Variants in NTM observed in about 807,000 individuals in gnomAD.
NTM encodes the protein IgLON family member 2.
In NTM, 13 loss-of-function variants were observed where a neutral mutation model predicts 42.1. That is an observed-to-expected ratio of 0.31 (90% CI 0.20 to 0.49). The LOEUF is 0.49. Ranked by LOEUF, NTM falls within the 20% of genes least tolerant of loss-of-function variation. The probability of loss-of-function intolerance (pLI) is 0.99; values close to 1 mark genes in which losing one functional copy is unlikely to be tolerated. For missense variants in NTM, 373 were observed against 452.8 expected (o/e 0.82, Z 1.60); for synonymous variants, 187 against 179.2 (o/e 1.04, Z -0.35).
intron 1 of NTM, among the ~76,000 whole-genome samples, chr11:131,439,364 T>C (rs1458294130): frequency 5.3e-5 from 8 of 152,222 alleles, no homozygotes. Flanking sequence ...GTTGTTTAAG[T>C]CTGCAGAAGT....
chr11:132,201,696 C>A (rs2081179696), intron 3 of NTM, among the ~76,000 whole-genome samples: 1 of 152,192 alleles, frequency 6.6e-6, no homozygotes, highest in African/African-American at 2.4e-5. Context: ...TTACAGCAAA[C>A]AATTATGCTG....
chr11:132,292,534 A>T (rs1207819206), intron 4 of NTM, among the ~76,000 whole-genome samples: 1 of 152,048 alleles, frequency 6.6e-6, no homozygotes, highest in Non-Finnish European at 1.5e-5. Context: ...GAACCTTGAG[A>T]GTGCTCAAGT....
chr11:131,891,155 G>A (rs1378129875), intron 1 of NTM, among the ~76,000 whole-genome samples: 1 of 152,162 alleles, frequency 6.6e-6, no homozygotes, highest in African/African-American at 2.4e-5. Context: ...CTAATCCCTT[G>A]TAGGGAGGAT....
chr11:131,773,199 G>A (rs1306074055), intron 1 of NTM, among the ~76,000 whole-genome samples: 2 of 152,180 alleles, frequency 1.3e-5, no homozygotes, highest in African/African-American at 2.4e-5. Context: ...CCTTGTTGCT[G>A]TGTCCTCCGG....
chr11:131,706,419 G>T (rs1028740845), intron 1 of NTM, among the ~76,000 whole-genome samples: 2 of 151,910 alleles, frequency 1.3e-5, no homozygotes, highest in African/African-American at 4.8e-5. Flanking sequence ...ATAATGTATA[G>T]CTTACTCAGA....
chr11:131,722,021 A>AAAAAAAG (rs368857349), intron 1 of NTM, among the ~76,000 whole-genome samples: 6 of 112,746 alleles, frequency 5.3e-5, no homozygotes, highest in East Asian at 2.8e-4. Context: ...AAAAAAAAAA[A>AAAAAAAG]AGAGAGAAAG....
chr11:131,697,153 G>T (rs972254099), intron 1 of NTM, among the ~76,000 whole-genome samples: 1 of 152,170 alleles, frequency 6.6e-6, no homozygotes, highest in Non-Finnish European at 1.5e-5. Context: ...TCAAGATAAG[G>T]ACACAAGGTA....
chr11:132,034,519 G>A (rs1939714), intron 2 of NTM, among the ~76,000 whole-genome samples: 69,629 of 152,070 alleles, frequency 0.46, 16,610 homozygotes, highest in East Asian at 0.77. Context: ...CAACTGGATA[G>A]TGGCAGATGG....
intron 2 of NTM, among the ~76,000 whole-genome samples, chr11:131,924,304 A>G (rs753874522): frequency 6.6e-6 from 1 of 152,180 alleles, no homozygotes; most frequent in Non-Finnish European, 1.5e-5. Context: ...CTCTGTCCCA[A>G]CGCATCATGT....
At chr11:131,479,235 C>T (rs2136223835) in intron 1 of NTM, among the ~76,000 whole-genome samples, 1 of 152,286 alleles carries the variant, frequency 6.6e-6, no homozygotes, top group South Asian at 2.1e-4. Context: ...AAATGTACAA[C>T]AGGCAATTAT....
At chr11:132,195,511 T>G (rs1166965294) in intron 3 of NTM, among the ~76,000 whole-genome samples, 1 of 147,238 alleles carries the variant, frequency 6.8e-6, no homozygotes. Flanking sequence ...CAATCCTAAG[T>G]GGAAAGAACA....
chr11:132,304,436 C>G (rs2094996712), intron 4 of NTM, among the ~76,000 whole-genome samples: 1 of 150,726 alleles, frequency 6.6e-6, no homozygotes, highest in Non-Finnish European at 1.5e-5. Flanking sequence ...ACCCAATATG[C>G]TTTGTAAGTT....
chr11:131,715,624 G>A (rs2077615455), intron 1 of NTM, among the ~76,000 whole-genome samples: 1 of 152,058 alleles, frequency 6.6e-6, no homozygotes, highest in Admixed American at 6.6e-5. Context: ...TTTGTAATCT[G>A]TTCCTCCTGT....
At chr11:131,878,395 A>T (rs192293535) in intron 1 of NTM, among the ~76,000 whole-genome samples, 1 of 151,364 alleles carries the variant, frequency 6.6e-6, no homozygotes, top group East Asian at 2.0e-4. Context: ...ACATGGTGAA[A>T]CACCGTCTGT....
At chr11:132,225,555 A>G (rs958020295) in intron 4 of NTM, among the ~76,000 whole-genome samples, 7 of 152,196 alleles carry the variant, frequency 4.6e-5, no homozygotes, top group Admixed American at 6.5e-5. Context: ...GAAGTGATGT[A>G]GGATGCTGTG....
chr11:131,565,457 G>T (rs934945001), intron 1 of NTM, among the ~76,000 whole-genome samples: 1 of 152,168 alleles, frequency 6.6e-6, no homozygotes, highest in Non-Finnish European at 1.5e-5. Flanking sequence ...GGTTGGTTCT[G>T]TTCTCATGCC....
chr11:131,702,081 C>T (rs556551571), intron 1 of NTM, among the ~76,000 whole-genome samples: 11 of 152,222 alleles, frequency 7.2e-5, no homozygotes, highest in East Asian at 1.9e-4. Context: ...TAGCCCAAAC[C>T]GCCCTCAGAC....
In NTM at chr11:131,769,525, TGTTTC is replaced by T. The variant is rs1360535898; in HGVS notation, c.83-142033_83-142029del. 4.7e-6 allele frequency: 3 copies of T among 645,086 alleles called. No individual in the cohort carries two copies. In the African/African-American group the frequency reaches 5.9e-5, roughly 13 times the overall value. 40.0% of individuals were successfully genotyped at this position (645,086 alleles called of 1,614,324 possible). A position where few individuals can be genotyped will look rare whatever the true frequency, so the allele number is the denominator to read the frequency against. On this transcript the variant is annotated intron_variant, in intron 1 of 8. Transcript: ENST00000683400. Reference sequence around the variant, plus strand: ...ATTCTGGTATTTATAAAGAAGTTATTGTTTCGTTTCCTTTTTTTTCTGGAAGATCA... The same window carrying T: ...ATTCTGGTATTTATAAAGAAGTTATTGTTTCCTTTTTTTTCTGGAAGATCA...
At chr11:132,073,280 T>C (rs922139493) in intron 2 of NTM, among the ~76,000 whole-genome samples, 9 of 152,212 alleles carry the variant, frequency 5.9e-5, no homozygotes, top group African/African-American at 2.2e-4. Context: ...AGGAATTGTC[T>C]TCTCTGGACC....
Sources: gnomAD v4.1 joint callset for allele counts (sites outside exome capture counted in the v4.1 genomes callset) on GRCh38, gnomAD v4.1.1 for gene constraint, MANE v1.5 for transcripts, NCBI Gene and HGNC (gene_info 2026-07-23, HGNC 2026-07-21) for gene names.